PARD3B: variants seen among roughly 807,000 people sequenced by gnomAD.
PARD3B encodes partitioning defective 3 homolog B.
PARD3B carries 103 observed loss-of-function variants against 130.2 expected under a neutral mutation model. The observed-to-expected ratio is 0.79, with a 90% CI of 0.67 to 0.93. PARD3B has a LOEUF of 0.93. PARD3B is among the 40% of genes least tolerant of loss of function. The probability of loss-of-function intolerance (pLI) is 0.00; values close to 1 mark genes in which losing one functional copy is unlikely to be tolerated. For missense variants in PARD3B, 1,609 were observed against 1,499.2 expected (o/e 1.07, Z -1.21); for synonymous variants, 583 against 553.2 (o/e 1.05, Z -0.76).
At chr2:205,401,448 A>C (rs924997390) in intron 19 of PARD3B, among the ~76,000 whole-genome samples, 1 of 152,148 alleles carries the variant, frequency 6.6e-6, no homozygotes, top group Non-Finnish European at 1.5e-5. Flanking sequence ...GTTTAGAACT[A>C]TCCAGTTCCC....
At chr2:205,038,694 C>T (rs867575632) in intron 3 of PARD3B, among the ~76,000 whole-genome samples, 1 of 152,224 alleles carries the variant, frequency 6.6e-6, no homozygotes, top group South Asian at 2.1e-4. Flanking sequence ...CTTTATCATG[C>T]GTGTGCTTAT....
At chr2:205,058,807 A>T (rs530368440) in intron 4 of PARD3B, among the ~76,000 whole-genome samples, 1 of 152,040 alleles carries the variant, frequency 6.6e-6, no homozygotes, top group African/African-American at 2.4e-5. Flanking sequence ...TTTGTTGCTG[A>T]GTTCTAGGAG....
intron 21 of PARD3B, among the ~76,000 whole-genome samples, chr2:205,524,718 CCCAT>C (rs1239435576): frequency 6.6e-6 from 1 of 152,092 alleles, no homozygotes; most frequent in African/African-American, 2.4e-5. Context: ...AACAAAAAGC[CCCAT>C]GTTAATCTCA....
Position 205,241,660 on chromosome 2 carries a change from C to T in PARD3B, c.2141-4118C>T, listed in dbSNP as rs115910179. On this transcript the variant is annotated intron_variant, in intron 15 of 22. Transcript: ENST00000406610. The surrounding 1 kb of genome is among the most constrained non-coding windows in gnomAD (Gnocchi z 4.2). ...GAACAAGAAACTTAGACTCTTGCTC[C>T]ATCAACACTCTCTTACTCAATGCTT... Among the ~76,000 whole-genome samples, 59 of 152,192 alleles carry T rather than the reference C, an allele frequency of 3.9e-4. No individual in the cohort carries two copies. Among genetic ancestry groups the T allele is most frequent in the African/African-American group, 1.4e-3 (58 of 41,544 alleles).
At chr2:204,919,927 C>A (rs1559259795) in intron 2 of PARD3B, among the ~76,000 whole-genome samples, 1 of 148,194 alleles carries the variant, frequency 6.7e-6, no homozygotes, top group East Asian at 2.0e-4. Flanking sequence ...CAGACAGTCA[C>A]TTTTTTTTTT....
intron 22 of PARD3B, among the ~76,000 whole-genome samples, chr2:205,581,277 T>TATAGATAGATATAGATAGATAG (rs1559238191): frequency 1.5e-5 from 1 of 67,880 alleles, no homozygotes; most frequent in African/African-American, 4.3e-5. Flanking sequence ...GATAGATAGA[T>TATAGATAGATATAGATAGATAG]ATAGATATAT....
chr2:204,696,983 CAT>C (rs1017912479), intron 2 of PARD3B, among the ~76,000 whole-genome samples: 2 of 152,022 alleles, frequency 1.3e-5, no homozygotes, highest in African/African-American at 2.4e-5. Flanking sequence ...TTGAAATACA[CAT>C]GTTTATACAA....
intron 3 of PARD3B, among the ~76,000 whole-genome samples, chr2:205,023,320 C>G (rs867838400): frequency 1.3e-5 from 2 of 152,220 alleles, no homozygotes; most frequent in Middle Eastern, 3.4e-3. Context: ...AATAATTGTA[C>G]GTGGCAGCAA....
intron 1 of PARD3B, among the ~76,000 whole-genome samples, chr2:204,648,037 T>C (rs1165537256): frequency 6.6e-5 from 10 of 151,804 alleles, no homozygotes; most frequent in African/African-American, 2.4e-4. Context: ...TACGCAATAG[T>C]AAGACTGATC....
At chr2:205,113,425 T>TGTG in intron 5 of PARD3B, 66 bp from the exon 6 acceptor site, 13 of 1,049,556 alleles carry the variant, frequency 1.2e-5, no homozygotes, top group South Asian at 5.4e-5. Flanking sequence ...TGTGTGTGTA[T>TGTG]TTTAGATGTG....
chr2:205,416,892 C>T (rs866432352), intron 19 of PARD3B, among the ~76,000 whole-genome samples: 2 of 152,056 alleles, frequency 1.3e-5, no homozygotes, highest in South Asian at 2.1e-4. Context: ...CCTTCAAGGC[C>T]TTCAGGCTAA....
chr2:205,283,328 G>C (rs1481711120), intron 16 of PARD3B, among the ~76,000 whole-genome samples: 1 of 152,158 alleles, frequency 6.6e-6, no homozygotes, highest in Non-Finnish European at 1.5e-5. Flanking sequence ...GTGTCTCCCA[G>C]GCTGGAGTGC....
intron 18 of PARD3B, among the ~76,000 whole-genome samples, chr2:205,382,893 T>C (rs1282673345): frequency 6.6e-6 from 1 of 152,004 alleles, no homozygotes; most frequent in African/African-American, 2.4e-5. Flanking sequence ...AAGAAGTTTC[T>C]TATTTTTTGG....
At chr2:204,800,384 G>A (rs1003005301) in intron 2 of PARD3B, among the ~76,000 whole-genome samples, 2 of 152,024 alleles carry the variant, frequency 1.3e-5, no homozygotes, top group Non-Finnish European at 2.9e-5. Flanking sequence ...CTAGAAAGTC[G>A]CCTCAAAAGG....
chr2:204,686,108 T>A, intron 1 of PARD3B, 73 bp from the exon 2 acceptor site: 1 of 1,012,318 alleles, frequency 9.9e-7, no homozygotes, highest in Non-Finnish European at 1.5e-6. Context: ...TTAACTTATG[T>A]CTCTTAACAT....
chr2:205,395,946 T>C (rs1221675276), intron 18 of PARD3B, among the ~76,000 whole-genome samples: 1 of 152,180 alleles, frequency 6.6e-6, no homozygotes, highest in East Asian at 1.9e-4. Context: ...CCATCACTCT[T>C]AGATTAAACC....
At chr2:204,723,934 A>T (rs1485331513) in intron 2 of PARD3B, among the ~76,000 whole-genome samples, 1 of 152,124 alleles carries the variant, frequency 6.6e-6, no homozygotes, top group East Asian at 1.9e-4. Flanking sequence ...TTCCTATGCA[A>T]GTAATAAATT....
intron 19 of PARD3B, among the ~76,000 whole-genome samples, chr2:205,415,367 C>A (rs1232979916): frequency 6.6e-6 from 1 of 151,978 alleles, no homozygotes; most frequent in Non-Finnish European, 1.5e-5. Context: ...TAAAGCCTTG[C>A]CGAGAAAGGT....
intron 18 of PARD3B, among the ~76,000 whole-genome samples, chr2:205,387,223 T>A (rs1406758487): frequency 6.6e-6 from 1 of 152,186 alleles, no homozygotes; most frequent in Non-Finnish European, 1.5e-5. Context: ...TTGTTTTAGA[T>A]GCAAGACATT....
Sources: allele counts gnomAD v4.1 joint callset (sites outside exome capture counted in the v4.1 genomes callset), GRCh38; gene constraint gnomAD v4.1.1; non-coding constraint Gnocchi (gnomAD v3.1); transcripts MANE v1.5; gene names NCBI Gene and HGNC (gene_info 2026-07-23, HGNC 2026-07-21).